Variants in NCAN observed in about 807,000 individuals in gnomAD.
NCAN encodes the protein neurocan.
NCAN carries 47 observed loss-of-function variants against 121.8 expected under a neutral mutation model. The observed-to-expected ratio is 0.39, with a 90% confidence interval of 0.31 to 0.49. The LOEUF (loss-of-function observed/expected upper bound fraction) is 0.49. Among genes scored for constraint, NCAN ranks in the 20% least tolerant of loss-of-function variants. NCAN has a pLI of 0.92. For synonymous variants in NCAN, 633 were observed against 702.0 expected (o/e 0.90, Z 1.55); for missense variants, 1,517 against 1,773.4 (o/e 0.86, Z 2.60).
chr19:19,248,676 T>C (rs2060934920), intron 13 of NCAN, 24 bp from the exon 14 acceptor site: 2 of 1,605,684 alleles, frequency 1.2e-6, no homozygotes, highest in Non-Finnish European at 8.5e-7. Flanking sequence ...AGCACCTCTC[T>C]CACTAGAGAT....
Position 19,228,098 on chromosome 19 carries a change from G to A in NCAN, c.2478G>A (p.Val826=), listed in dbSNP as rs148986091. The part of the protein sequence containing the change: ...PWVATDEGPT[V]NPMDSTVTPA... ...TTGCTACAGATGAAGGACCCACTGT[G>A]AATCCCATGGATTCCACAGTCACGC... Residue 826 remains valine, a synonymous_variant, in exon 8 of 15, where the codon GTG becomes GTA. Transcript: ENST00000252575. 1.4e-5 allele frequency: 22 copies of A among 1,613,480 alleles called. No homozygotes were observed. The highest frequency in any genetic ancestry group is 1.7e-5 in the Non-Finnish European group (20 of 1,180,014).
At chr19:19,232,045 C>G (rs535838115) in intron 8 of NCAN, among the ~76,000 whole-genome samples, 6 of 152,052 alleles carry the variant, frequency 3.9e-5, no homozygotes, top group African/African-American at 1.4e-4. Flanking sequence ...GGGATCAACC[C>G]TGGAAAGATG....
At position 19,224,253 on chromosome 19, in the gene NCAN, T is replaced by C; in HGVS notation, c.651-53T>C. On this transcript the variant is annotated intron_variant, in intron 4 of 14. Coordinates refer to ENST00000252575, the MANE Select transcript of NCAN (RefSeq NM_004386.3). The stretch of plus-strand genomic sequence containing the variant: ...ACTAGCTCATGGGGAAGGAGGTTCC[T>C]TGGGGGCTCCAGGAGCACACATCTG... 4.4e-6 allele frequency: 7 copies of C among 1,596,230 alleles called. 1 individual carries two copies. The South Asian group carries it at 6.7e-5, about 15-fold the overall frequency.
intron 14 of NCAN, 31 bp from the exon 15 acceptor site, chr19:19,249,735 C>G: frequency 6.4e-7 from 1 of 1,570,958 alleles, no homozygotes; most frequent in East Asian, 2.2e-5. Context: ...CACCTTTTGT[C>G]CCTTCCCTGT....
Position 19,240,639 on chromosome 19 carries a change from A to G in NCAN, c.3446A>G (p.Asp1149Gly), listed in dbSNP as rs371918933. 3 of 1,614,070 alleles carry G rather than the reference A, an allele frequency of 1.9e-6. No homozygotes were observed. Among genetic ancestry groups the G allele is most frequent in the Non-Finnish European group, 2.5e-6 (3 of 1,180,034 alleles). Reference protein sequence around the residue: ...GHENTWIGLNDRIVERDFQWT... With the variant: ...GHENTWIGLNGRIVERDFQWT... ...GAAAACACGTGGATCGGCCTGAACGACAGGATCGTGGAGAGAGATTTCCAG... is the reference window on the plus strand; with the variant it reads ...GAAAACACGTGGATCGGCCTGAACGGCAGGATCGTGGAGAGAGATTTCCAG... Residue 1149 changes from aspartate (D) to glycine (G), a missense_variant, in exon 12 of 15, where the codon GAC becomes GGC. Transcript: ENST00000252575.
rs1260101992 is a variant in NCAN, at chr19:19,226,646, T to C, written c.1233T>C (p.Ser411=). The part of the protein sequence containing the change: ...TPDFQEPLVS[S]GEEETLILEE... ...ACTTCCAGGAGCCTCTGGTGTCCAG[T>C]GGGGAAGAAGAAACCCTGATTTTGG... The change falls in exon 7 of 15, where the codon AGT becomes AGC. Residue 411 remains serine (S), a synonymous_variant. Transcript: ENST00000252575. 6.2e-7 allele frequency: 1 copy of C among 1,613,834 alleles called. No individual in the cohort carries two copies. Among genetic ancestry groups the C allele is most frequent in the Non-Finnish European group, 8.5e-7 (1 of 1,179,932 alleles).
chr19:19,249,827 C>T lies in NCAN; in HGVS notation c.3882C>T (p.His1294=). 1.2e-6 allele frequency: 2 copies of T among 1,613,800 alleles called. No individual in the cohort carries two copies. Among genetic ancestry groups the T allele is most frequent in the Non-Finnish European group, 1.7e-6 (2 of 1,179,942 alleles). Residue 1294 remains histidine (H), a synonymous_variant, in exon 15 of 15, where the codon CAC becomes CAT. Coordinates refer to ENST00000252575, the MANE Select transcript of NCAN (RefSeq NM_004386.3). ...ACCACCAACACCACCACCAGCATCA[C>T]CACCACAAATCCCGCAAGGAGCGCA... ...HHHHQHHHQH[H]HHKSRKERRK...
intron 3 of NCAN, among the ~76,000 whole-genome samples, chr19:19,222,974 T>G (rs943682405): frequency 2.6e-5 from 4 of 151,966 alleles, no homozygotes; most frequent in Non-Finnish European, 4.4e-5. Context: ...CTGGGCGTGA[T>G]GGCAGGCGCC....
chr19:19,241,960 C>T (rs1455313327), intron 12 of NCAN, among the ~76,000 whole-genome samples: 2 of 152,160 alleles, frequency 1.3e-5, no homozygotes, highest in East Asian at 1.9e-4. Flanking sequence ...TTTGGAAGGC[C>T]GAGGCAGGCA....
intron 1 of NCAN, among the ~76,000 whole-genome samples, chr19:19,215,210 T>G (rs2060792193): frequency 6.6e-6 from 1 of 152,184 alleles, no homozygotes; most frequent in Non-Finnish European, 1.5e-5. Context: ...AAGGGACAGC[T>G]GTCACATACA....
chr19:19,245,189 G>A, intron 12 of NCAN, 124 bp from the exon 13 acceptor site: 4 of 1,218,954 alleles, frequency 3.3e-6, no homozygotes. Flanking sequence ...CCATTGTAGA[G>A]ATGGGAACAC....
intron 12 of NCAN, among the ~76,000 whole-genome samples, chr19:19,245,102 A>C (rs546979782): frequency 6.8e-4 from 104 of 152,272 alleles, no homozygotes; most frequent in African/African-American, 2.4e-3. Context: ...AGGGAGGAGA[A>C]TGCTGCAGCC....
Position 19,237,514 on chromosome 19 carries a change from A to G in NCAN, c.3251-739A>G, listed in dbSNP as rs1380675416. ...AAAAAAAAAAAAATTTTATATATAT[A>G]TATCTCCATCCTAGTGGGTGTGAAG... On this transcript the variant is annotated intron_variant, in intron 10 of 14. Coordinates refer to ENST00000252575, the MANE Select transcript of NCAN (RefSeq NM_004386.3). 3.3e-5 allele frequency among the ~76,000 whole-genome samples: 5 copies of G among 151,864 alleles called. No homozygotes were observed. The South Asian group carries it at 6.2e-4, about 19-fold the overall frequency.
At chr19:19,213,992 C>T (rs2060786393) in intron 1 of NCAN, among the ~76,000 whole-genome samples, 1 of 152,144 alleles carries the variant, frequency 6.6e-6, no homozygotes, top group Non-Finnish European at 1.5e-5. Context: ...GTCCCATGTG[C>T]TCCACCCGGT....
intron 8 of NCAN, among the ~76,000 whole-genome samples, chr19:19,232,347 C>T (rs1025915811): frequency 8.5e-5 from 13 of 152,376 alleles, no homozygotes; most frequent in African/African-American, 3.1e-4. Context: ...GACTGAGTCA[C>T]CGCCAGTCCG....
At chr19:19,244,676 C>T (rs114674887) in intron 12 of NCAN, among the ~76,000 whole-genome samples, 6,209 of 150,942 alleles carry the variant, frequency 0.041, 291 homozygotes, top group South Asian at 0.11. Flanking sequence ...TCCTGGACTT[C>T]GGGCTGAGAT....
intron 11 of NCAN, among the ~76,000 whole-genome samples, chr19:19,239,093 C>G (rs1399182741): frequency 6.6e-6 from 1 of 151,992 alleles, no homozygotes; most frequent in African/African-American, 2.4e-5. Context: ...CTCGCGCCTT[C>G]TCACCTATCT....
rs764684464 is a variant in NCAN, at chr19:19,227,268, G to A, written c.1661-13G>A. The A allele has an allele frequency of 2.0e-6, 3 of 1,536,114 alleles. No individual in the cohort carries two copies. The highest frequency in any genetic ancestry group is 1.7e-6 in the Non-Finnish European group (2 of 1,142,910). On this transcript the variant is annotated splice_polypyrimidine_tract_variant and intron_variant, in intron 7 of 14. Coordinates refer to ENST00000252575, the MANE Select transcript of NCAN (RefSeq NM_004386.3). This position sits in a 1 kb window ranked among gnomAD's most constrained non-coding sequence, Gnocchi z 4.2. Reference sequence around the variant, plus strand: ...GAGAGATCATTGTAATGATTGCCTTGATGTTGTTGCAGGTTCTGCTGGTGG... The same window carrying A: ...GAGAGATCATTGTAATGATTGCCTTAATGTTGTTGCAGGTTCTGCTGGTGG...
intron 8 of NCAN, 79 bp from the exon 9 acceptor site, chr19:19,233,710 G>A: frequency 1.2e-6 from 1 of 869,568 alleles, no homozygotes. Context: ...AGAGTGGTTT[G>A]GGGGCCTGGG....
Sources: allele counts gnomAD v4.1 joint callset (sites outside exome capture counted in the v4.1 genomes callset), GRCh38; gene constraint gnomAD v4.1.1; non-coding constraint Gnocchi (gnomAD v3.1); transcripts MANE v1.5; gene names NCBI Gene and HGNC (gene_info 2026-07-23, HGNC 2026-07-21).